SV2C: variants seen among roughly 807,000 people sequenced by gnomAD.
The protein encoded by SV2C is solute carrier family 22 member B3.
In SV2C, 49 loss-of-function variants were observed where a neutral mutation model predicts 79.7. That is an observed-to-expected ratio of 0.61 (90% CI 0.49 to 0.78). The LOEUF is 0.78. Ranked by LOEUF, SV2C falls within the 30% of genes least tolerant of loss-of-function variation. SV2C has a pLI of 0.00. For missense variants in SV2C, 833 were observed against 912.9 expected, an observed-to-expected ratio of 0.91 and a Z score of 1.13; for synonymous variants, 334 against 333.2, an observed-to-expected ratio of 1.00 and a Z score of -0.03.
intron 4 of SV2C, among the ~76,000 whole-genome samples, chr5:76,261,883 G>C (rs552824900): frequency 1.3e-5 from 2 of 152,328 alleles, no homozygotes; most frequent in South Asian, 4.1e-4. Flanking sequence ...ATGTTCATCA[G>C]GGATATTGGC....
rs142448689 is a variant in SV2C, at chr5:76,192,917, T to C, written c.581-2002T>C. Among the ~76,000 whole-genome samples the C allele has an allele frequency of 9.8e-4, 150 of 152,374 alleles. 3 individuals are homozygous for C. The East Asian group carries it at 0.021, about 21-fold the overall frequency. On this transcript the variant is annotated intron_variant, in intron 2 of 12. Coordinates refer to ENST00000502798, the MANE Select transcript of SV2C (RefSeq NM_014979.4). ...AGTCATGGAGGAATTTAATACCATT[T>C]TGAAATCTTTCTTATCCTTCGGATT...
the SV2C span, among the ~76,000 whole-genome samples, chr5:75,947,282 G>C: frequency 2.0e-5 from 3 of 151,990 alleles, no homozygotes; most frequent in Non-Finnish European, 4.4e-5. Context: ...AAGAAAAAGA[G>C]AAGCCTCCAA....
chr5:76,330,357 G>A lies in SV2C; in HGVS notation c.*4810G>A, dbSNP rs531500493. ...AGGCTAGCATGGTTGGGCAGGGGAA[G>A]AGCTGAGCCGAGCCTTCACTGATCT... On this transcript the variant is annotated 3_prime_UTR_variant, in exon 13 of 13. Transcript: ENST00000502798. 4 of 152,196 alleles carry A rather than the reference G, an allele frequency of 2.6e-5. No homozygotes were observed. Among genetic ancestry groups the A allele is most frequent in the African/African-American group, 7.2e-5 (3 of 41,448 alleles). 9.4% of individuals were successfully genotyped at this position (152,196 alleles called of 1,614,324 possible).
chr5:75,926,199 GGCTTACCCAAACTCTCATCT>G, the SV2C span, among the ~76,000 whole-genome samples: 2 of 151,944 alleles, frequency 1.3e-5, no homozygotes, highest in Admixed American at 6.6e-5. Flanking sequence ...TCTGCTCCAA[GGCTTACCCAAACTCTCATCT>G]GCTTACCCAA....
chr5:76,338,001 C>A (rs1580087141), downstream of SV2C, among the ~76,000 whole-genome samples: 1 of 152,190 alleles, frequency 6.6e-6, no homozygotes. Context: ...GAGCCAGGGG[C>A]AGCAGCATGC....
At chr5:76,075,979 T>G in the SV2C span, 1 of 165,414 alleles carries the variant, frequency 6.0e-6, no homozygotes, top group African/African-American at 2.4e-5. Flanking sequence ...TAAAATTCCT[T>G]ATATAGTCTT....
chr5:76,301,532 C>G lies in SV2C; in HGVS notation c.1987C>G (p.Pro663Ala). 6.2e-7 allele frequency: 1 copy of G among 1,613,404 alleles called. No homozygotes were observed. The highest frequency in any genetic ancestry group is 1.1e-5 in the South Asian group (1 of 90,970). ...SLDVVTVELY[P>A]TDRRATGFGF... Reference sequence around the variant, plus strand: ...TGACGTGGTCACTGTGGAACTGTACCCCACAGACCGGAGGTATGTTGAAAT... The same window carrying G: ...TGACGTGGTCACTGTGGAACTGTACGCCACAGACCGGAGGTATGTTGAAAT... The change falls in exon 12 of 13, where the codon CCC (proline) becomes GCC (alanine). Residue 663 changes from proline to alanine, a missense_variant. Transcript: ENST00000502798.
intron 1 of SV2C, among the ~76,000 whole-genome samples, chr5:76,113,164 A>G (rs1261010954): frequency 6.6e-6 from 1 of 152,236 alleles, no homozygotes; most frequent in Admixed American, 6.5e-5. Context: ...CAAGCCCTTA[A>G]TCAGTGAATA....
chr5:75,949,411 G>A, the SV2C span, among the ~76,000 whole-genome samples: 3 of 151,948 alleles, frequency 2.0e-5, no homozygotes, highest in Non-Finnish European at 4.4e-5. Flanking sequence ...GAGAGTAGGG[G>A]CAAAAGTAGA....
chr5:75,914,373 A>G, the SV2C span, among the ~76,000 whole-genome samples: 11 of 152,226 alleles, frequency 7.2e-5, no homozygotes, highest in Non-Finnish European at 1.3e-4. Flanking sequence ...CAATCAAATT[A>G]TATTATTATG....
At chr5:75,976,362 A>G in the SV2C span, among the ~76,000 whole-genome samples, 7 of 152,196 alleles carry the variant, frequency 4.6e-5, no homozygotes, top group African/African-American at 1.7e-4. Flanking sequence ...GAGTACAGAG[A>G]AAGACCTATA....
chr5:76,084,887 G>T (rs1433249185), intron 1 of SV2C, among the ~76,000 whole-genome samples: 1 of 151,922 alleles, frequency 6.6e-6, no homozygotes, highest in African/African-American at 2.4e-5. Context: ...CTGGGCTGGC[G>T]GGCAGGCGGC....
the SV2C span, among the ~76,000 whole-genome samples, chr5:75,997,848 C>A: frequency 6.6e-6 from 1 of 152,086 alleles, no homozygotes. Context: ...GGGGTATATA[C>A]CCAAAGGATT....
chr5:76,130,166 A>G (rs2112182188), intron 1 of SV2C, among the ~76,000 whole-genome samples: 1 of 144,304 alleles, frequency 6.9e-6, no homozygotes, highest in South Asian at 2.2e-4. Flanking sequence ...AAAAAAAAAA[A>G]AAAAAAAAAA....
intron 12 of SV2C, among the ~76,000 whole-genome samples, chr5:76,339,481 A>G (rs751347747): frequency 4.7e-4 from 71 of 152,120 alleles, no homozygotes; most frequent in Non-Finnish European, 8.4e-4. Flanking sequence ...TTGGGAGGCC[A>G]AGGCGGGCGG....
At chr5:76,351,757 T>C (rs1749646290) in intron 12 of SV2C, among the ~76,000 whole-genome samples, 1 of 152,188 alleles carries the variant, frequency 6.6e-6, no homozygotes. Context: ...CACCTTGCTG[T>C]AATAGCTCCA....
the SV2C span, among the ~76,000 whole-genome samples, chr5:75,871,081 A>G: frequency 2.6e-5 from 4 of 152,236 alleles, no homozygotes; most frequent in Non-Finnish European, 5.9e-5. Flanking sequence ...AATTGAAAGA[A>G]TGGTTTAATA....
chr5:76,036,633 TC>T, the SV2C span, among the ~76,000 whole-genome samples: 3 of 152,252 alleles, frequency 2.0e-5, no homozygotes, highest in Non-Finnish European at 4.4e-5. Context: ...CTGATGGGCT[TC>T]CCTTTGAGGG....
intron 4 of SV2C, among the ~76,000 whole-genome samples, chr5:76,232,280 G>A (rs1367770217): frequency 6.7e-6 from 1 of 148,974 alleles, no homozygotes; most frequent in African/African-American, 2.6e-5. Context: ...CTTTTTGATG[G>A]GGTTGTTTGT....
Sources: allele counts gnomAD v4.1 joint callset (sites outside exome capture counted in the v4.1 genomes callset), GRCh38; gene constraint gnomAD v4.1.1; transcripts MANE v1.5; gene names NCBI Gene and HGNC (gene_info 2026-07-23, HGNC 2026-07-21).